The following VRK3 variants were observed in gnomAD, a reference collection of about 807,000 sequenced individuals.
VRK3 encodes VRK serine/threonine kinase 3, also known as serine/threonine-protein kinase VRK3.
VRK3 carries 50 observed loss-of-function variants against 60.4 expected under a neutral mutation model. That is an observed-to-expected ratio of 0.83 (90% CI 0.66 to 1.05). The LOEUF (loss-of-function observed/expected upper bound fraction) is 1.05. Ranked by LOEUF, VRK3 falls within the 50% of genes least tolerant of loss-of-function variation. The pLI is 0.00. For synonymous variants in VRK3, 246 were observed against 227.8 expected (o/e 1.08, Z -0.72); for missense variants, 549 against 585.3 (o/e 0.94, Z 0.64).
intron 12 of VRK3, chr19:49,981,555 C>A (rs2076422787): frequency 2.1e-6 from 1 of 471,536 alleles, no homozygotes; most frequent in Non-Finnish European, 2.8e-6. Context: ...AAAAACAAAA[C>A]AAAACAAAAC....
At chr19:49,993,800 G>C (rs938588251) in intron 9 of VRK3, among the ~76,000 whole-genome samples, 1 of 151,944 alleles carries the variant, frequency 6.6e-6, no homozygotes, top group South Asian at 2.1e-4. Context: ...AATTCTGCTC[G>C]TTCTCCTCCT....
intron 12 of VRK3, chr19:49,987,856 C>T (rs1201784522): frequency 6.6e-6 from 1 of 152,556 alleles, no homozygotes; most frequent in East Asian, 1.9e-4. Context: ...GCGCCCGCCA[C>T]CATGCCTGGC....
At chr19:49,994,757 A>G (rs1189088262) in intron 9 of VRK3, 57 bp downstream of exon 9, 1 of 1,501,484 alleles carries the variant, frequency 6.7e-7, no homozygotes, top group East Asian at 2.3e-5. Flanking sequence ...TGCCTGCTAA[A>G]CTAGGATGTG....
intron 3 of VRK3, among the ~76,000 whole-genome samples, chr19:50,011,038 T>C (rs981417159): frequency 6.6e-6 from 1 of 152,232 alleles, no homozygotes; most frequent in East Asian, 1.9e-4. Flanking sequence ...TGTGGAACAA[T>C]TGCTTTTGTT....
intron 3 of VRK3, among the ~76,000 whole-genome samples, chr19:50,011,058 C>T (rs936084955): frequency 2.0e-5 from 3 of 152,216 alleles, no homozygotes; most frequent in African/African-American, 4.8e-5. Flanking sequence ...TGTAGTTCAC[C>T]CACTGAGGAG....
intron 4 of VRK3, 100 bp downstream of exon 4, chr19:50,009,136 G>A (rs2033451870): frequency 7.3e-7 from 1 of 1,379,142 alleles, no homozygotes; most frequent in Admixed American, 1.9e-5. Context: ...AGGGATGGAT[G>A]ATGTTTGAGC....
chr19:50,007,923 T>C, intron 4 of VRK3, 97 bp from the exon 5 acceptor site: 1 of 1,523,178 alleles, frequency 6.6e-7, no homozygotes, highest in Non-Finnish European at 8.9e-7. Flanking sequence ...CCTTTACAAA[T>C]TCGTTCATTC....
chr19:50,008,924 T>G (rs756856326), intron 4 of VRK3: 14 of 278,618 alleles, frequency 5.0e-5, no homozygotes, highest in Non-Finnish European at 8.2e-5. Context: ...GCAAAGACTG[T>G]GTTGAGGGCT....
At chr19:50,002,037 A>G (rs889625835) in intron 5 of VRK3, among the ~76,000 whole-genome samples, 2 of 152,098 alleles carry the variant, frequency 1.3e-5, no homozygotes, top group African/African-American at 4.8e-5. Context: ...AAATATCCCC[A>G]TAACACCAGG....
chr19:49,997,820 T>C (rs1286727853), intron 6 of VRK3: 5 of 405,092 alleles, frequency 1.2e-5, no homozygotes, highest in Non-Finnish European at 2.2e-5. Flanking sequence ...GCCTTCAGCA[T>C]AAAAACTACG....
chr19:50,007,005 C>T (rs911045998), intron 5 of VRK3, among the ~76,000 whole-genome samples: 1 of 152,126 alleles, frequency 6.6e-6, no homozygotes, highest in Non-Finnish European at 1.5e-5. Context: ...AAACCCTGAG[C>T]CCAGCCCCAC....
intron 1 of VRK3, among the ~76,000 whole-genome samples, chr19:50,023,075 A>C (rs1469800964): frequency 6.6e-6 from 1 of 152,196 alleles, no homozygotes; most frequent in Non-Finnish European, 1.5e-5. Flanking sequence ...ATCTGCCTGG[A>C]ACGCTGTCCC....
chr19:50,017,371 C>A (rs1429112223), intron 2 of VRK3, among the ~76,000 whole-genome samples: 1 of 151,428 alleles, frequency 6.6e-6, no homozygotes, highest in East Asian at 2.0e-4. Flanking sequence ...GGTCAGGAGT[C>A]CAAGACCAAC....
At position 50,007,831 on chromosome 19, in the gene VRK3, A is replaced by G. The variant is rs758920181; in HGVS notation, c.290-5T>C. On this transcript the variant is annotated splice_polypyrimidine_tract_variant and splice_region_variant and intron_variant, in intron 4 of 14. Transcript: ENST00000316763. ...TTGGGGGTCTGCTCCCGGAGCCTGC[A>G]GGAGGATGTAAGAATAAAGTAAAAG... The G allele has an allele frequency of 5.0e-6, 8 of 1,614,122 alleles. No homozygotes were observed. In the Admixed American group the frequency reaches 1.3e-4, roughly 27 times the overall value.
At chr19:49,986,454 C>G (rs1201790263) in intron 12 of VRK3, 1 of 153,098 alleles carries the variant, frequency 6.5e-6, no homozygotes, top group Non-Finnish European at 1.5e-5. Flanking sequence ...TGAAGAGAGC[C>G]AGAGACAGAT....
At chr19:50,003,261 TA>T in intron 5 of VRK3, among the ~76,000 whole-genome samples, 1 of 152,176 alleles carries the variant, frequency 6.6e-6, no homozygotes. Flanking sequence ...AGCCAACACC[TA>T]AACTTCGTAC....
chr19:50,022,582 T>G (rs2077188703), intron 1 of VRK3, among the ~76,000 whole-genome samples: 1 of 151,640 alleles, frequency 6.6e-6, no homozygotes, highest in South Asian at 2.1e-4. Context: ...GGTTAGGAGT[T>G]CCAGACCAGC....
chr19:49,982,990 C>T (rs2076449601), intron 12 of VRK3, among the ~76,000 whole-genome samples: 1 of 152,088 alleles, frequency 6.6e-6, no homozygotes, highest in Non-Finnish European at 1.5e-5. Flanking sequence ...TGCCCCATGT[C>T]CTCCTCTGCC....
chr19:49,983,933 G>A (rs180788242), intron 12 of VRK3, among the ~76,000 whole-genome samples: 179 of 150,360 alleles, frequency 1.2e-3, no homozygotes, highest in African/African-American at 4.4e-3. Context: ...ATTTTTGTGC[G>A]CCTGGCCCTC....
Sources: gnomAD v4.1 joint callset for allele counts (sites outside exome capture counted in the v4.1 genomes callset) on GRCh38, gnomAD v4.1.1 for gene constraint, MANE v1.5 for transcripts, NCBI Gene and HGNC (gene_info 2026-07-23, HGNC 2026-07-21) for gene names.